The following ODAD1 variants were observed in gnomAD, a reference collection of about 807,000 sequenced individuals.
ODAD1 encodes outer dynein arm-docking complex subunit 1.
A neutral mutation model predicts 67.2 loss-of-function variants in ODAD1; 49 were observed. The observed-to-expected ratio is 0.73, with a 90% CI of 0.58 to 0.92. The LOEUF is 0.92. ODAD1 is among the 40% of genes least tolerant of loss of function. The pLI is 0.00. For synonymous variants in ODAD1, 345 were observed against 393.7 expected (o/e 0.88, Z 1.46); for missense variants, 897 against 953.7 (o/e 0.94, Z 0.78).
At chr19:48,314,901 G>T (rs1399737155) in intron 5 of ODAD1, among the ~76,000 whole-genome samples, 1 of 151,534 alleles carries the variant, frequency 6.6e-6, no homozygotes, top group East Asian at 2.0e-4. Flanking sequence ...AGCCGAGATT[G>T]CACCACTGCA....
intron 2 of ODAD1, 89 bp from the exon 3 acceptor site, chr19:48,320,480 T>G: frequency 1.5e-6 from 1 of 663,238 alleles, no homozygotes. Flanking sequence ...GACTGGGAAT[T>G]GAAAGGGGGT....
chr19:48,303,033 C>T lies in ODAD1; in HGVS notation c.1051G>A (p.Val351Met). 6.2e-7 allele frequency: 1 copy of T among 1,614,072 alleles called. No individual in the cohort carries two copies. The highest frequency in any genetic ancestry group is 8.5e-7 in the Non-Finnish European group (1 of 1,179,996). The change falls in exon 11 of 16, where the codon GTG becomes ATG. Residue 351 changes from valine (V) to methionine (M), a missense_variant. Val to Met is a conservative substitution (Grantham distance 21, BLOSUM62 1). Transcript: ENST00000674294. ...CTCACCTCCTTGATCTCTTCCTGCA[C>T]ATGCTCCAGCTCCAAGTTCTGCTCG... ...INEQNLELEH[V>M]QEEIKEMQEA... is the part of the protein sequence containing the mutation.
chr19:48,316,531 A>G (rs997959964), intron 5 of ODAD1, among the ~76,000 whole-genome samples: 4 of 152,094 alleles, frequency 2.6e-5, no homozygotes, highest in African/African-American at 7.2e-5. Flanking sequence ...GGAGTTTGGG[A>G]AAGTTCTTAA....
chr19:48,317,259 A>G (rs1239665108), intron 5 of ODAD1, among the ~76,000 whole-genome samples: 1 of 152,058 alleles, frequency 6.6e-6, no homozygotes, highest in East Asian at 1.9e-4. Context: ...CAGATATATT[A>G]ATATATGTGT....
chr19:48,320,449 G>T, intron 2 of ODAD1, 58 bp from the exon 3 acceptor site: 2 of 989,518 alleles, frequency 2.0e-6, no homozygotes, highest in Non-Finnish European at 2.7e-6. Context: ...GCCCAGAGAG[G>T]GTGGACAATG....
At chr19:48,302,887 G>C in intron 11 of ODAD1, 25 bp from the exon 12 acceptor site, 2 of 1,613,124 alleles carry the variant, frequency 1.2e-6, no homozygotes, top group East Asian at 4.5e-5. Context: ...CTGAATGCTG[G>C]GCCAGATGGC....
intron 3 of ODAD1, chr19:48,319,743 G>C (rs1968990408): frequency 6.5e-6 from 1 of 153,546 alleles, no homozygotes; most frequent in African/African-American, 2.4e-5. Context: ...TGCTCAGGCT[G>C]GTCTTGAACT....
rs545791324 is a variant in ODAD1 at position 48,318,426 on chromosome 19, G to C, written c.321C>G (p.Ile107Met). The change falls in exon 5 of 16, where the codon ATC becomes ATG. Residue 107 changes from isoleucine to methionine, a missense_variant. Transcript: ENST00000674294. Reference protein sequence around the residue: ...LKGRAQVQAEIEELQEQTRAL... With the variant: ...LKGRAQVQAEMEELQEQTRAL... The stretch of plus-strand genomic sequence containing the variant: ...CCCTGGTCTGCTCCTGCAGCTCCTC[G>C]ATCTCCGCCTGCACCTGGGCCCGGC... The C allele has an allele frequency of 6.4e-7, 1 of 1,551,572 alleles. No homozygotes were observed. The highest frequency in any genetic ancestry group is 8.7e-7 in the Non-Finnish European group (1 of 1,146,980).
Position 48,296,797 on chromosome 19 carries a change from C to A in ODAD1, c.*179G>T, listed in dbSNP as rs926963427. The A allele has an allele frequency of 7.0e-7, 1 of 1,420,964 alleles. No homozygotes were observed. Among genetic ancestry groups the A allele is most frequent in the Non-Finnish European group, 9.1e-7 (1 of 1,094,362 alleles). The allele number at this position is 1,420,964 out of a possible 1,614,324, so 88.0% of individuals were successfully genotyped here. On this transcript the variant is annotated 3_prime_UTR_variant, in exon 16 of 16. Coordinates refer to ENST00000674294, the MANE Select transcript of ODAD1 (RefSeq NM_001364171.2). ...GTGTCAGGAGCAGAGAGAAAGGAAC[C>A]GGGAGACACAGGTGAGGCGGTGATG...
chr19:48,299,268 G>A (rs903462952), intron 12 of ODAD1, among the ~76,000 whole-genome samples: 5 of 151,914 alleles, frequency 3.3e-5, no homozygotes, highest in Non-Finnish European at 5.9e-5. Context: ...AAAACTAGCC[G>A]GGCATGGTAG....
chr19:48,297,506 C>T lies in ODAD1; in HGVS notation c.1594G>A (p.Glu532Lys), dbSNP rs550685434. Residue 532 changes from glutamate to lysine, a missense_variant, in exon 16 of 16, where the codon GAG becomes AAG. Physicochemically the swap from Glu to Lys is moderately conservative, Grantham distance 56 (BLOSUM62 1). Coordinates refer to ENST00000674294, the MANE Select transcript of ODAD1 (RefSeq NM_001364171.2). ...SQVEKLVELQ[E>K]QAEAQRQKDL... is the part of the protein sequence containing the mutation. Reference sequence around the variant, plus strand: ...TTCTGGCGCTGCGCCTCCGCCTGCTCCTGGAGCTCCACCTGCAGGGAAGGT... The same window carrying T: ...TTCTGGCGCTGCGCCTCCGCCTGCTTCTGGAGCTCCACCTGCAGGGAAGGT... 2 of 1,604,730 alleles carry T rather than the reference C, an allele frequency of 1.2e-6. No homozygotes were observed. Among genetic ancestry groups the T allele is most frequent in the Admixed American group, 1.7e-5 (1 of 58,804 alleles).
Position 48,313,426 on chromosome 19 carries a change from CA to C in ODAD1, c.361-1311del, listed in dbSNP as rs568077350. ...TGGGGAACAGAACAAGACTCCATCTCAAAAAAAAAAAAAAAAAAAACCAAAA... is the reference window on the plus strand; with the variant it reads ...TGGGGAACAGAACAAGACTCCATCTCAAAAAAAAAAAAAAAAAAACCAAAA... On this transcript the variant is annotated intron_variant, in intron 5 of 15. Coordinates refer to ENST00000674294, the MANE Select transcript of ODAD1 (RefSeq NM_001364171.2). Among the ~76,000 whole-genome samples, 113 of 30,030 alleles carry C rather than the reference CA, an allele frequency of 3.8e-3. 2 individuals are homozygous for C. The highest frequency in any genetic ancestry group is 6.5e-3 in the East Asian group (8 of 1,222). The allele number at this position is 30,030 out of a possible 152,430, so 19.7% of individuals were successfully genotyped here.
Position 48,297,992 on chromosome 19 carries a change from C to A in ODAD1, c.1502+8G>T. 3 of 1,605,672 alleles carry A rather than the reference C, an allele frequency of 1.9e-6. No individual in the cohort carries two copies. The highest frequency in any genetic ancestry group is 2.6e-6 in the Non-Finnish European group (3 of 1,173,740). On this transcript the variant is annotated splice_region_variant and intron_variant, in intron 14 of 15. Transcript: ENST00000674294. ...TCCCCTCTGCGTCCCTCCTGCCCTG[C>A]GCCTCACAGAGTGTCAGGGGGCTGA... is the stretch of plus-strand genomic sequence containing the variant.
chr19:48,300,290 G>T (rs187754217), intron 12 of ODAD1, among the ~76,000 whole-genome samples: 1 of 151,896 alleles, frequency 6.6e-6, no homozygotes, highest in East Asian at 1.9e-4. Context: ...GCAAAAGAGC[G>T]AAATTCCTCT....
chr19:48,303,226 CAG>C, intron 10 of ODAD1, 131 bp from the exon 11 acceptor site: 1 of 730,976 alleles, frequency 1.4e-6, no homozygotes, highest in Non-Finnish European at 2.4e-6. Context: ...GAAACCAAGG[CAG>C]AGAGACGAAC....
Position 48,296,821 on chromosome 19 carries a change from T to G in ODAD1, c.*155A>C, listed in dbSNP as rs1968294260. 2 of 1,426,136 alleles carry G rather than the reference T, an allele frequency of 1.4e-6. No individual in the cohort carries two copies. Among genetic ancestry groups the G allele is most frequent in the Non-Finnish European group, 1.8e-6 (2 of 1,096,644 alleles). The allele number at this position is 1,426,136 out of a possible 1,614,324, so 88.3% of individuals were successfully genotyped here. On this transcript the variant is annotated 3_prime_UTR_variant, in exon 16 of 16. Transcript: ENST00000674294. ...CCGGGAGACACAGGTGAGGCGGTGA[T>G]GAAGGGCAGATGAAAACAGTTGAAG...
At chr19:48,320,475 G>A in intron 2 of ODAD1, 84 bp from the exon 3 acceptor site, 1 of 701,006 alleles carries the variant, frequency 1.4e-6, no homozygotes. Flanking sequence ...CGAGGGACTG[G>A]GAATTGAAAG....
At chr19:48,304,710 C>T (rs531553197) in intron 8 of ODAD1, among the ~76,000 whole-genome samples, 42 of 152,162 alleles carry the variant, frequency 2.8e-4, no homozygotes, top group African/African-American at 9.6e-4. Flanking sequence ...TGCTGGCTCA[C>T]GTTCTTTCAG....
At chr19:48,302,961 G>A in intron 11 of ODAD1, 52 bp downstream of exon 11, 1 of 1,599,588 alleles carries the variant, frequency 6.3e-7, no homozygotes. Context: ...GAGGGAAGGG[G>A]GCGGGGAGGC....
Sources: allele counts gnomAD v4.1 joint callset (sites outside exome capture counted in the v4.1 genomes callset), GRCh38; gene constraint gnomAD v4.1.1; transcripts MANE v1.5; gene names NCBI Gene and HGNC (gene_info 2026-07-23, HGNC 2026-07-21).